Variants in ESR1 observed in about 807,000 individuals in gnomAD.
ESR1 encodes the protein estrogen receptor.
A neutral mutation model predicts 52.7 loss-of-function variants in ESR1; 12 were observed. The ratio of observed to expected loss-of-function variants is 0.23; its 90% CI spans 0.15 to 0.37. The LOEUF (loss-of-function observed/expected upper bound fraction) is 0.37. Ranked by LOEUF, ESR1 falls within the 10% of genes least tolerant of loss-of-function variation. ESR1 has a pLI of 1.00. For missense variants in ESR1, 584 were observed against 779.7 expected (o/e 0.75, Z 2.99); for synonymous variants, 305 against 316.8 (o/e 0.96, Z 0.39).
At chr6:151,723,480 C>T (rs796564446) in intron 2 of ESR1, among the ~76,000 whole-genome samples, 11 of 152,312 alleles carry the variant, frequency 7.2e-5, no homozygotes, top group African/African-American at 2.6e-4. Flanking sequence ...GAAACATTTA[C>T]CCCTCTTTAC....
At chr6:151,770,881 C>T (rs1408588248) in intron 2 of ESR1, among the ~76,000 whole-genome samples, 1 of 147,858 alleles carries the variant, frequency 6.8e-6, no homozygotes, top group Admixed American at 6.7e-5. Flanking sequence ...TGTTTCTCAG[C>T]AAAAAAAATA....
At position 152,094,229 on chromosome 6, in the gene ESR1, G is replaced by C. The variant is rs1026650631; in HGVS notation, c.1370-156G>C. ...GCAAATGCATTAGGAATTTTACACTGTAACCCGGTTTTAAATGGGTCCAGA... is the reference window on the plus strand; with the variant it reads ...GCAAATGCATTAGGAATTTTACACTCTAACCCGGTTTTAAATGGGTCCAGA... On this transcript the variant is annotated intron_variant, in intron 6 of 7. Coordinates refer to ENST00000206249, the MANE Select transcript of ESR1 (RefSeq NM_000125.4). The surrounding 1 kb of genome is among the most constrained non-coding windows in gnomAD (Gnocchi z 4.6). 7.9e-5 allele frequency among the ~76,000 whole-genome samples: 12 copies of C among 152,126 alleles called. No individual in the cohort carries two copies. The highest frequency in any genetic ancestry group is 2.4e-4 in the African/African-American group (10 of 41,410).
chr6:151,840,724 C>A (rs1008158683), intron 1 of ESR1, among the ~76,000 whole-genome samples: 1 of 152,170 alleles, frequency 6.6e-6, no homozygotes, highest in Non-Finnish European at 1.5e-5. Context: ...CCAAGAGACC[C>A]TGCTGGAAGG....
intron 1 of ESR1, among the ~76,000 whole-genome samples, chr6:151,698,744 C>T (rs1779554393): frequency 6.6e-6 from 1 of 152,138 alleles, no homozygotes; most frequent in Admixed American, 6.6e-5. Flanking sequence ...ACTTCAGTTA[C>T]AGTAAATCTC....
chr6:152,120,939 C>T (rs896917080), intron 6 of ESR1, among the ~76,000 whole-genome samples: 2 of 152,102 alleles, frequency 1.3e-5, no homozygotes, highest in Non-Finnish European at 2.9e-5. Flanking sequence ...GTGACACAGA[C>T]CTTGAGAGAA....
chr6:151,800,526 A>T (rs948568930), upstream of ESR1, among the ~76,000 whole-genome samples: 1 of 152,076 alleles, frequency 6.6e-6, no homozygotes, highest in Non-Finnish European at 1.5e-5. Context: ...ATGATGTTTT[A>T]AGGCTGGGAC....
chr6:151,753,748 T>A (rs556549131), intron 2 of ESR1, among the ~76,000 whole-genome samples: 15 of 152,352 alleles, frequency 9.8e-5, no homozygotes, highest in African/African-American at 3.6e-4. Flanking sequence ...TGACATGGAA[T>A]TTCTATATCC....
chr6:151,853,169 C>CAAAAAAAAAAAAAA (rs386408969), intron 2 of ESR1, among the ~76,000 whole-genome samples: 13 of 42,888 alleles, frequency 3.0e-4, no homozygotes, highest in African/African-American at 3.8e-4. Context: ...AGACTCGTCT[C>CAAAAAAAAAAAAAA]AAAAAAAAAA....
At position 151,842,397 on chromosome 6, in the gene ESR1, G is replaced by T. The variant is rs33979243; in HGVS notation, c.453-200G>T. ...GGTAGTATGTTTTTAAAACAAGTTT[G>T]CAATAAACAATTTCCCCTCAAGGTT... On this transcript the variant is annotated intron_variant, in intron 1 of 7. Transcript: ENST00000206249. Among the ~76,000 whole-genome samples the T allele has an allele frequency of 4.4e-3, 676 of 152,236 alleles. 3 individuals are homozygous for T. The highest frequency in any genetic ancestry group is 0.014 in the African/African-American group (582 of 41,538).
chr6:151,899,244 G>C (rs1260636815), intron 3 of ESR1, among the ~76,000 whole-genome samples: 1 of 144,446 alleles, frequency 6.9e-6, no homozygotes, highest in Non-Finnish European at 1.5e-5. Context: ...CAGCTGGCCA[G>C]GCGGGGGGCT....
At chr6:151,682,254 AC>A (rs1262617430) in intron 1 of ESR1, among the ~76,000 whole-genome samples, 1 of 152,160 alleles carries the variant, frequency 6.6e-6, no homozygotes, top group Admixed American at 6.5e-5. Context: ...AATAAATGGC[AC>A]CATTGAATTG....
intron 4 of ESR1, among the ~76,000 whole-genome samples, chr6:151,956,594 A>G (rs1179717550): frequency 6.6e-6 from 1 of 152,068 alleles, no homozygotes; most frequent in Non-Finnish European, 1.5e-5. Context: ...AGAAAGGTTA[A>G]TAACATAGAA....
chr6:151,911,463 A>G (rs1342117346), intron 3 of ESR1, among the ~76,000 whole-genome samples: 2 of 152,172 alleles, frequency 1.3e-5, no homozygotes, highest in South Asian at 4.1e-4. Context: ...ATTCTCAATG[A>G]GTCTTCCTGT....
intron 1 of ESR1, among the ~76,000 whole-genome samples, chr6:151,815,246 A>T (rs1250805692): frequency 6.6e-6 from 1 of 152,218 alleles, no homozygotes; most frequent in African/African-American, 2.4e-5. Flanking sequence ...GAAAGGGTAT[A>T]CATTCCAATT....
chr6:151,698,424 C>T (rs973885882), intron 1 of ESR1, among the ~76,000 whole-genome samples: 6 of 151,718 alleles, frequency 4.0e-5, no homozygotes, highest in African/African-American at 1.5e-4. Context: ...ACAACCAAAC[C>T]CATGGGCATC....
intron 4 of ESR1, among the ~76,000 whole-genome samples, chr6:151,948,971 T>G (rs1164505752): frequency 1.3e-5 from 2 of 152,168 alleles, no homozygotes; most frequent in African/African-American, 4.8e-5. Flanking sequence ...TGAAAGGTGA[T>G]TTTTGAAAGT....
chr6:151,848,347 AG>A (rs1267843256), intron 2 of ESR1, among the ~76,000 whole-genome samples: 4 of 95,258 alleles, frequency 4.2e-5, no homozygotes, highest in Non-Finnish European at 8.2e-5. Context: ...GGGAGGGGGG[AG>A]GGATAGCATT....
chr6:152,083,141 GA>G (rs2049378179), intron 6 of ESR1, among the ~76,000 whole-genome samples: 1 of 152,096 alleles, frequency 6.6e-6, no homozygotes, highest in Admixed American at 6.5e-5. Context: ...AACCAAAAAA[GA>G]GCCTGCATAG....
At chr6:151,989,088 A>G (rs953353687) in intron 4 of ESR1, among the ~76,000 whole-genome samples, 2 of 152,170 alleles carry the variant, frequency 1.3e-5, no homozygotes, top group African/African-American at 2.4e-5. Context: ...GCATGCCTTA[A>G]TGTATTAAGT....
Sources: allele counts gnomAD v4.1 joint callset (sites outside exome capture counted in the v4.1 genomes callset), GRCh38; gene constraint gnomAD v4.1.1; non-coding constraint Gnocchi (gnomAD v3.1); transcripts MANE v1.5; gene names NCBI Gene and HGNC (gene_info 2026-07-23, HGNC 2026-07-21).